Variants in KALRN observed in about 807,000 individuals in gnomAD.
The protein encoded by KALRN is kalirin RhoGEF kinase, also known as kalirin.
In KALRN, 70 loss-of-function variants were observed where a neutral mutation model predicts 353.7. That is an observed-to-expected ratio of 0.20 (90% CI 0.16 to 0.24). The LOEUF is 0.24. Ranked by LOEUF, KALRN falls within the 10% of genes least tolerant of loss-of-function variation. KALRN has a pLI of 1.00. For synonymous variants in KALRN, 1,391 were observed against 1,434.8 expected (o/e 0.97, Z 0.69); for missense variants, 2,791 against 3,756.7 (o/e 0.74, Z 6.72).
At chr3:124,460,165 A>C (rs1420814397) in intron 23 of KALRN, among the ~76,000 whole-genome samples, 2 of 152,040 alleles carry the variant, frequency 1.3e-5, no homozygotes, top group Non-Finnish European at 2.9e-5. Context: ...GGGCCACTCT[A>C]CTCCAGTACT....
chr3:124,419,818 C>T (rs751298500), intron 14 of KALRN, among the ~76,000 whole-genome samples: 13 of 152,236 alleles, frequency 8.5e-5, no homozygotes, highest in Admixed American at 5.2e-4. Flanking sequence ...AAATACATTC[C>T]GCTACTTGAT....
At chr3:124,370,107 A>T (rs2085629748) in intron 10 of KALRN, among the ~76,000 whole-genome samples, 1 of 152,210 alleles carries the variant, frequency 6.6e-6, no homozygotes, top group Admixed American at 6.5e-5. Context: ...CATCAAGTTC[A>T]AGACACCTTT....
At chr3:124,311,799 G>C (rs2078296341) in intron 6 of KALRN, among the ~76,000 whole-genome samples, 1 of 152,154 alleles carries the variant, frequency 6.6e-6, no homozygotes, top group Non-Finnish European at 1.5e-5. Flanking sequence ...TCATATAATG[G>C]ACTTATATTT....
At chr3:124,118,837 G>GC (rs1389063075) in intron 1 of KALRN, among the ~76,000 whole-genome samples, 1 of 152,156 alleles carries the variant, frequency 6.6e-6, no homozygotes, top group African/African-American at 2.4e-5. Context: ...AGTTTATAAA[G>GC]CATGTCCACC....
intron 1 of KALRN, among the ~76,000 whole-genome samples, chr3:124,212,391 C>A (rs956402218): frequency 9.2e-5 from 14 of 151,748 alleles, no homozygotes; most frequent in Admixed American, 9.2e-4. Flanking sequence ...TCATTAGTAT[C>A]CTAATTTCTA....
chr3:124,440,627 T>A (rs2093637054), intron 18 of KALRN, among the ~76,000 whole-genome samples: 1 of 150,758 alleles, frequency 6.6e-6, no homozygotes. Context: ...TATATAATAA[T>A]TTTTAATTAT....
intron 1 of KALRN, among the ~76,000 whole-genome samples, chr3:124,102,957 T>C (rs754906638): frequency 2.0e-5 from 3 of 152,180 alleles, no homozygotes; most frequent in Non-Finnish European, 2.9e-5. Context: ...GTTTCACAGA[T>C]AGGAAACAGG....
At chr3:124,590,750 C>A (rs2075689115) in intron 34 of KALRN, among the ~76,000 whole-genome samples, 1 of 152,002 alleles carries the variant, frequency 6.6e-6, no homozygotes, top group African/African-American at 2.4e-5. Context: ...TGAAGGAAGG[C>A]TCTGGAAAAG....
At chr3:124,194,919 T>C (rs1463754210) in intron 1 of KALRN, among the ~76,000 whole-genome samples, 3 of 152,194 alleles carry the variant, frequency 2.0e-5, no homozygotes, top group Non-Finnish European at 4.4e-5. Flanking sequence ...ATTTGAGGAC[T>C]CTGAGCTGGT....
chr3:124,337,765 T>C (rs1414598391), intron 9 of KALRN, among the ~76,000 whole-genome samples: 4 of 152,212 alleles, frequency 2.6e-5, no homozygotes, highest in Non-Finnish European at 5.9e-5. Flanking sequence ...TGTGAATCCA[T>C]CTGGTCCTGG....
intron 11 of KALRN, among the ~76,000 whole-genome samples, chr3:124,387,822 G>A (rs931727546): frequency 6.6e-6 from 1 of 151,828 alleles, no homozygotes; most frequent in Non-Finnish European, 1.5e-5. Flanking sequence ...TTTTCAGGAT[G>A]GACAGAAAAG....
rs563549720 is a variant in KALRN at position 124,339,500 on chromosome 3, C to T, written c.1647+5005C>T. 7.2e-5 allele frequency among the ~76,000 whole-genome samples: 11 copies of T among 152,280 alleles called. No individual in the cohort carries two copies. The South Asian group carries it at 2.3e-3, about 32-fold the overall frequency. ...GCAAAATGAGTTGCTGGTAATTGGG[C>T]ATTTCAAGTGGTGCCTGCATGCTCT... On this transcript the variant is annotated intron_variant, in intron 9 of 59. Coordinates refer to ENST00000682506, the MANE Select transcript of KALRN (RefSeq NM_001388419.1).
rs754027509 is a variant in KALRN at position 124,657,734 on chromosome 3, T to C, written c.5967T>C (p.Asp1989=). The C allele has an allele frequency of 6.2e-7, 1 of 1,612,048 alleles. No individual in the cohort carries two copies. The highest frequency in any genetic ancestry group is 8.5e-7 in the Non-Finnish European group (1 of 1,178,174). ...NIHQIYDWHK[D]FFLAELEKCI... ...TCTCTTATCCCCTTTCTCCTTTTAG[T>C]TTTTTCCTGGCGGAACTGGAAAAGT... The change falls in exon 41 of 60, where the codon GAT becomes GAC. Residue 1989 remains aspartate, a splice_region_variant and synonymous_variant. Coordinates refer to ENST00000682506, the MANE Select transcript of KALRN (RefSeq NM_001388419.1).
intron 21 of KALRN, among the ~76,000 whole-genome samples, chr3:124,452,779 A>T (rs2058922534): frequency 6.6e-6 from 1 of 152,200 alleles, no homozygotes; most frequent in Non-Finnish European, 1.5e-5. Context: ...ACATACCTAG[A>T]ATACTCTTGG....
chr3:124,684,650 G>T (rs533551754), intron 51 of KALRN, among the ~76,000 whole-genome samples: 1 of 152,322 alleles, frequency 6.6e-6, no homozygotes, highest in South Asian at 2.1e-4. Flanking sequence ...CACGTCTAAG[G>T]TGTGCTAACA....
intron 1 of KALRN, among the ~76,000 whole-genome samples, chr3:124,107,518 C>G (rs1206583703): frequency 6.6e-6 from 1 of 152,176 alleles, no homozygotes; most frequent in Non-Finnish European, 1.5e-5. Flanking sequence ...ACCAACCTGG[C>G]CCCCTAGAGC....
At position 124,720,544 on chromosome 3, in the gene KALRN, A is replaced by C. The variant is rs2063333911; in HGVS notation, c.*1074A>C. The C allele has an allele frequency of 6.6e-6, 1 of 152,634 alleles. No individual in the cohort carries two copies. Among genetic ancestry groups the C allele is most frequent in the Non-Finnish European group, 1.5e-5 (1 of 68,040 alleles). The allele number at this position is 152,634 out of a possible 1,614,324, so 9.5% of individuals were successfully genotyped here. On this transcript the variant is annotated 3_prime_UTR_variant, in exon 60 of 60. Transcript: ENST00000682506. ...AAGCTAAGGGGTGCTTACTAAAAGG[A>C]GGCAGCCATATAGGCCTTTTAAAGG...
At chr3:124,089,494 T>C (rs2060993337) in intron 1 of KALRN, among the ~76,000 whole-genome samples, 1 of 151,998 alleles carries the variant, frequency 6.6e-6, no homozygotes, top group South Asian at 2.1e-4. Context: ...CCATCTCCTT[T>C]GATAGGCAGA....
Position 124,334,233 on chromosome 3 carries a change from T to C in KALRN, c.1417-32T>C, listed in dbSNP as rs1201756531. ...CTCTGTGCCCTGCCTATCACCCTTT[T>C]CCCTTAACTTAAACTTCTCTCTTTC... On this transcript the variant is annotated intron_variant, in intron 8 of 59. Transcript: ENST00000682506. This position sits in a 1 kb window ranked among gnomAD's most constrained non-coding sequence, Gnocchi z 4.2. The C allele has an allele frequency of 4.4e-6, 7 of 1,579,896 alleles. No homozygotes were observed. Among genetic ancestry groups the C allele is most frequent in the African/African-American group, 2.7e-5 (2 of 74,292 alleles).
Sources: allele counts gnomAD v4.1 joint callset (sites outside exome capture counted in the v4.1 genomes callset), GRCh38; gene constraint gnomAD v4.1.1; non-coding constraint Gnocchi (gnomAD v3.1); transcripts MANE v1.5; gene names NCBI Gene and HGNC (gene_info 2026-07-23, HGNC 2026-07-21).